Variants in SH3PXD2B observed in about 807,000 individuals in gnomAD.
SH3PXD2B encodes SH3 and PX domain-containing protein 2B.
In SH3PXD2B, 37 loss-of-function variants were observed where a neutral mutation model predicts 73.1. The observed-to-expected ratio is 0.51, with a 90% CI of 0.39 to 0.67. SH3PXD2B has a LOEUF of 0.67. SH3PXD2B is among the 30% of genes least tolerant of loss of function. The pLI is 0.00. For missense variants in SH3PXD2B, 1,053 were observed against 1,197.8 expected, an observed-to-expected ratio of 0.88 and a Z score of 1.78; for synonymous variants, 457 against 480.5, an observed-to-expected ratio of 0.95 and a Z score of 0.64.
intron 1 of SH3PXD2B, among the ~76,000 whole-genome samples, chr5:172,452,607 G>A (rs185769302): frequency 5.3e-5 from 8 of 152,222 alleles, no homozygotes; most frequent in Admixed American, 2.0e-4. Context: ...TGATATGGGC[G>A]TGATAGGAGA....
At chr5:172,432,524 G>A (rs978190782) in intron 1 of SH3PXD2B, among the ~76,000 whole-genome samples, 1 of 152,174 alleles carries the variant, frequency 6.6e-6, no homozygotes, top group Non-Finnish European at 1.5e-5. Flanking sequence ...CTCTGCACGT[G>A]CCCATGTCCG....
intron 2 of SH3PXD2B, among the ~76,000 whole-genome samples, chr5:172,413,547 T>C (rs1393570796): frequency 6.6e-6 from 1 of 152,054 alleles, no homozygotes; most frequent in Non-Finnish European, 1.5e-5. Flanking sequence ...AATGAATGAA[T>C]GAATGAATGA....
In SH3PXD2B at chr5:172,338,216, C is replaced by T. The variant is rs987631132; in HGVS notation, c.*153G>A. 1 of 1,533,236 alleles carries T rather than the reference C, an allele frequency of 6.5e-7. No homozygotes were observed. The highest frequency in any genetic ancestry group is 8.8e-7 in the Non-Finnish European group (1 of 1,141,402). The allele number at this position is 1,533,236 out of a possible 1,614,324, so 95.0% of individuals were successfully genotyped here. A position where few individuals can be genotyped will look rare whatever the true frequency, so the allele number is the denominator to read the frequency against. ...CCAGGGGCGCCCGAGGTGTCCGAAA[C>T]TCACTCTCCACCCATGGGAGGCAAG... On this transcript the variant is annotated 3_prime_UTR_variant, in exon 13 of 13. Transcript: ENST00000311601. This position sits in a 1 kb window ranked among gnomAD's most constrained non-coding sequence, Gnocchi z 5.1.
chr5:172,325,347 C>T lies in SH3PXD2B; in HGVS notation c.1222G>A (p.Glu408Lys), dbSNP rs546640806. Residue 408 changes from glutamate (E) to lysine (K), a missense_variant, in exon 13 of 13, where the codon GAA (glutamate) becomes AAA (lysine). By Grantham distance (56) the Glu-to-Lys change is moderately conservative. Coordinates refer to the SH3PXD2B transcript ENST00000519643. The stretch of plus-strand genomic sequence containing the variant: ...ATCTTGATTCTTCTAAGAGGGACTT[C>T]CACAGGGCTCTCCAAGTGAACATTC... 2.4e-5 allele frequency: 37 copies of T among 1,535,546 alleles called. No homozygotes were observed. In the African/African-American group the frequency reaches 3.0e-4, roughly 12 times the overall value.
rs978690240 is a variant in SH3PXD2B, at chr5:172,336,199, A to G, written c.*2170T>C. 11 of 985,514 alleles carry G rather than the reference A, an allele frequency of 1.1e-5. No individual in the cohort carries two copies. The African/African-American group carries it at 1.9e-4, about 17-fold the overall frequency. The allele number at this position is 985,514 out of a possible 1,614,324, so 61.0% of individuals were successfully genotyped here. A position where few individuals can be genotyped will look rare whatever the true frequency, so the allele number is the denominator to read the frequency against. On this transcript the variant is annotated 3_prime_UTR_variant, in exon 13 of 13. Transcript: ENST00000311601. ...CTGAAAGGCAAAGAGCAAATCAGAAAAAAACATGTGTTTTGTCTTTTGAAA... is the reference window on the plus strand; with the variant it reads ...CTGAAAGGCAAAGAGCAAATCAGAAGAAAACATGTGTTTTGTCTTTTGAAA...
rs201097951 is a variant in SH3PXD2B, at chr5:172,335,087, C to T, written c.*3282G>A. 2.5e-5 allele frequency: 25 copies of T among 985,450 alleles called. No individual in the cohort carries two copies. Among genetic ancestry groups the T allele is most frequent in the Middle Eastern group, 5.2e-4 (1 of 1,938 alleles). 61.0% of individuals were successfully genotyped at this position (985,450 alleles called of 1,614,324 possible). ...ACCCACCAATGGCAAAGAAAGATTC[C>T]GAGCAGAACATGTGAGCAAAGGCCT... On this transcript the variant is annotated 3_prime_UTR_variant, in exon 13 of 13. Coordinates refer to ENST00000311601, the MANE Select transcript of SH3PXD2B (RefSeq NM_001017995.3).
intron 12 of SH3PXD2B, among the ~76,000 whole-genome samples, chr5:172,340,157 T>G (rs1456674730): frequency 6.6e-6 from 1 of 152,176 alleles, no homozygotes; most frequent in Non-Finnish European, 1.5e-5. Flanking sequence ...GATGTGGCCT[T>G]GGGTATAGGT....
chr5:172,333,609 T>C lies in SH3PXD2B; in HGVS notation c.*4760A>G. The C allele has an allele frequency of 3.1e-6, 4 of 1,282,678 alleles. No individual in the cohort carries two copies. Among genetic ancestry groups the C allele is most frequent in the Non-Finnish European group, 3.0e-6 (3 of 986,954 alleles). The allele number at this position is 1,282,678 out of a possible 1,614,324, so 79.5% of individuals were successfully genotyped here. ...CTACACATGCTACAGCTAGTTGTTC[T>C]CACCCCTCCCCTCACATCCTATATA... On this transcript the variant is annotated 3_prime_UTR_variant, in exon 13 of 13. Transcript: ENST00000311601.
Position 172,406,279 on chromosome 5 carries a change from G to T in SH3PXD2B, c.230C>A (p.Pro77Gln). The part of the protein sequence containing the change: ...DPKQRIIPFL[P>Q]GKILFRRSHI... ...CTGAGAGCACCCATCTCACCTACCTGGCAGAAAGGGGATGATCCGCTGCTT... is the reference window on the plus strand; with the variant it reads ...CTGAGAGCACCCATCTCACCTACCTTGCAGAAAGGGGATGATCCGCTGCTT... Residue 77 changes from proline (P) to glutamine (Q), a missense_variant and splice_region_variant, in exon 3 of 13, where the codon CCA (proline) becomes CAA (glutamine). By Grantham distance (76) the Pro-to-Gln change is moderately conservative. Transcript: ENST00000311601. 6.2e-7 allele frequency: 1 copy of T among 1,613,988 alleles called. No individual in the cohort carries two copies. The highest frequency in any genetic ancestry group is 8.5e-7 in the Non-Finnish European group (1 of 1,179,962).
chr5:172,416,365 G>A (rs1314853824), intron 2 of SH3PXD2B, among the ~76,000 whole-genome samples: 1 of 148,458 alleles, frequency 6.7e-6, no homozygotes, highest in Admixed American at 6.8e-5. Flanking sequence ...TTTCGCTCTT[G>A]TTGCCTAAGC....
chr5:172,426,403 C>T (rs1759097307), intron 1 of SH3PXD2B, among the ~76,000 whole-genome samples: 1 of 152,206 alleles, frequency 6.6e-6, no homozygotes, highest in Admixed American at 6.5e-5. Context: ...AAAACAAGGA[C>T]AATAATCTCC....
At chr5:172,407,089 A>C (rs908638313) in intron 2 of SH3PXD2B, among the ~76,000 whole-genome samples, 3 of 152,212 alleles carry the variant, frequency 2.0e-5, no homozygotes, top group East Asian at 1.9e-4. Context: ...CTTACTCCCC[A>C]TGGGGTCTTA....
intron 3 of SH3PXD2B, among the ~76,000 whole-genome samples, chr5:172,402,967 T>G (rs1400163529): frequency 6.6e-6 from 1 of 152,262 alleles, no homozygotes; most frequent in African/African-American, 2.4e-5. Flanking sequence ...AGGCCCTGGC[T>G]GTGGGGCAGA....
At position 172,334,467 on chromosome 5, in the gene SH3PXD2B, G is replaced by A. The variant is rs1756640075; in HGVS notation, c.*3902C>T. ...CTTTGGTCTGTGGTGAGGTATGGAT[G>A]TCTGCAGTCTACACAACAGCCCTGC... On this transcript the variant is annotated 3_prime_UTR_variant, in exon 13 of 13. Transcript: ENST00000311601. 1 of 986,298 alleles carries A rather than the reference G, an allele frequency of 1.0e-6. No individual in the cohort carries two copies. The highest frequency in any genetic ancestry group is 1.2e-6 in the Non-Finnish European group (1 of 830,696). The allele number at this position is 986,298 out of a possible 1,614,324, so 61.1% of individuals were successfully genotyped here. A position where few individuals can be genotyped will look rare whatever the true frequency, so the allele number is the denominator to read the frequency against.
At chr5:172,437,973 T>G in intron 1 of SH3PXD2B, among the ~76,000 whole-genome samples, 2 of 152,138 alleles carry the variant, frequency 1.3e-5, no homozygotes, top group East Asian at 3.9e-4. Context: ...ATTCATTCAT[T>G]TGGCATATAC....
chr5:172,410,310 CAT>C (rs1758663619), intron 2 of SH3PXD2B, among the ~76,000 whole-genome samples: 1 of 152,144 alleles, frequency 6.6e-6, no homozygotes, highest in Admixed American at 6.5e-5. Context: ...GTATTTTAAA[CAT>C]GTGGTTTTAT....
chr5:172,408,085 G>A (rs949506595), intron 2 of SH3PXD2B, among the ~76,000 whole-genome samples: 6 of 152,156 alleles, frequency 3.9e-5, no homozygotes, highest in South Asian at 2.1e-4. Flanking sequence ...GCTTGGCTGC[G>A]CATCCTGGAA....
At chr5:172,350,657 C>T (rs945194637) in intron 9 of SH3PXD2B, 68 bp from the exon 10 acceptor site, 1 of 1,475,860 alleles carries the variant, frequency 6.8e-7, no homozygotes, top group Non-Finnish European at 9.2e-7. Flanking sequence ...CTTGCTCCTA[C>T]TGGGAATCAC....
intron 8 of SH3PXD2B, among the ~76,000 whole-genome samples, chr5:172,357,232 T>C (rs1757300623): frequency 6.6e-6 from 1 of 151,536 alleles, no homozygotes; most frequent in Non-Finnish European, 1.5e-5. Context: ...GAGATCAGCC[T>C]GGCCAACATG....
Sources: gnomAD v4.1 joint callset for allele counts (sites outside exome capture counted in the v4.1 genomes callset) on GRCh38, gnomAD v4.1.1 for gene constraint, Gnocchi (gnomAD v3.1) non-coding constraint, MANE v1.5 for transcripts, NCBI Gene and HGNC (gene_info 2026-07-23, HGNC 2026-07-21) for gene names.